The following DUSP8 variants were observed in gnomAD, a reference collection of about 807,000 sequenced individuals.
The protein encoded by DUSP8 is dual specificity phosphatase 8.
In DUSP8, 15 loss-of-function variants were observed where a neutral mutation model predicts 38.7. That is an observed-to-expected ratio of 0.39 (90% CI 0.26 to 0.60). The LOEUF is 0.60. Among genes scored for constraint, DUSP8 ranks in the 20% least tolerant of loss-of-function variants. The pLI, the probability that DUSP8 is intolerant of heterozygous loss-of-function variation, is 0.56. For missense variants in DUSP8, 768 were observed against 915.0 expected (o/e 0.84, Z 2.07); for synonymous variants, 458 against 433.9 (o/e 1.06, Z -0.69).
Position 1,557,933 on chromosome 11 carries a change from A to G in DUSP8, c.698-16T>C. The G allele has an allele frequency of 6.2e-7, 1 of 1,613,716 alleles. No homozygotes were observed. The highest frequency in any genetic ancestry group is 2.2e-5 in the East Asian group (1 of 44,878). ...TTGGCTTTATCTGGGCAGGTGGGCC[A>G]TGGGGGCCAGGTGAGGGCTAAGACT... On this transcript the variant is annotated splice_polypyrimidine_tract_variant and intron_variant, in intron 5 of 6. Transcript: ENST00000397374. This position sits in a 1 kb window ranked among gnomAD's most constrained non-coding sequence, Gnocchi z 9.9.
At chr11:1,562,903 C>A (rs1024780781) in intron 3 of DUSP8, among the ~76,000 whole-genome samples, 1 of 152,178 alleles carries the variant, frequency 6.6e-6, no homozygotes, top group Non-Finnish European at 1.5e-5. Flanking sequence ...CCTCAAGCCT[C>A]CCAGGTGCCC....
intron 1 of DUSP8, among the ~76,000 whole-genome samples, chr11:1,568,904 G>A (rs1222150907): frequency 6.6e-6 from 1 of 152,210 alleles, no homozygotes; most frequent in Non-Finnish European, 1.5e-5. Flanking sequence ...GCTCCCAGGG[G>A]GACATGTTCC....
At position 1,557,801 on chromosome 11, in the gene DUSP8, C is replaced by T; in HGVS notation, c.814G>A (p.Ala272Thr). 6.2e-7 allele frequency: 1 copy of T among 1,612,996 alleles called. No individual in the cohort carries two copies. Among genetic ancestry groups the T allele is most frequent in the Non-Finnish European group, 8.5e-7 (1 of 1,179,964 alleles). ...MKTMGMSSDD[A>T]YRFVKDRRPS... ...GACTGGGGAAGGTGGTACCTGTAGG[C>T]GTCGTCGGAGGACATGCCCATGGTC... The change falls in exon 6 of 7, where the codon GCC (alanine) becomes ACC (threonine). Residue 272 changes from alanine to threonine, a missense_variant. Physicochemically the swap from Ala to Thr is moderately conservative, Grantham distance 58. Around this residue, in one of 3 missense-constraint regions of DUSP8, gnomAD observed 252 missense variants for 410.4 expected, o/e 0.61. Transcript: ENST00000397374. The surrounding 1 kb of genome is among the most constrained non-coding windows in gnomAD (Gnocchi z 9.9).
intron 2 of DUSP8, 39 bp downstream of exon 2, chr11:1,565,557 T>A (rs373725327): frequency 8.5e-4 from 1,306 of 1,532,012 alleles, no homozygotes; most frequent in Admixed American, 1.8e-3. Context: ...CTGTGGACCC[T>A]GGACGTGATG....
At chr11:1,566,451 T>A (rs1848805863) in intron 1 of DUSP8, among the ~76,000 whole-genome samples, 1 of 152,128 alleles carries the variant, frequency 6.6e-6, no homozygotes, top group African/African-American at 2.4e-5. Flanking sequence ...GGCAGCTCCG[T>A]AAGCCGATAA....
At position 1,557,623 on chromosome 11, in the gene DUSP8, C is replaced by A; in HGVS notation, c.822-49G>T. 6.7e-7 allele frequency: 1 copy of A among 1,497,752 alleles called. No homozygotes were observed. The allele number at this position is 1,497,752 out of a possible 1,614,324, so 92.8% of individuals were successfully genotyped here. A position where few individuals can be genotyped will look rare whatever the true frequency, so the allele number is the denominator to read the frequency against. On this transcript the variant is annotated intron_variant, in intron 6 of 6. Transcript: ENST00000397374. The surrounding 1 kb of genome is among the most constrained non-coding windows in gnomAD (Gnocchi z 9.9). ...CAGGCGCCCGCCGGGGCCAGGCTGC[C>A]CACCTGACGCACCCGCTGGGCACCC...
At chr11:1,559,336 C>T (rs931420664) in intron 3 of DUSP8, 3 of 366,778 alleles carry the variant, frequency 8.2e-6, no homozygotes, top group South Asian at 1.0e-4. Context: ...CTAGGATGCC[C>T]GTAAAGGTGG....
Position 1,554,609 on chromosome 11 carries a change from A to G in DUSP8, c.*1909T>C, listed in dbSNP as rs1342683161. 1 of 985,234 alleles carries G rather than the reference A, an allele frequency of 1.0e-6. No homozygotes were observed. The highest frequency in any genetic ancestry group is 1.1e-4 in the East Asian group (1 of 8,798). The allele number at this position is 985,234 out of a possible 1,614,324, so 61.0% of individuals were successfully genotyped here. ...CAGACTGAGACAGACAGCCCCCCTC[A>G]ACGGCCTGCAGAAGGGACAAGGGGA... is the stretch of plus-strand genomic sequence containing the variant. On this transcript the variant is annotated 3_prime_UTR_variant, in exon 7 of 7. Transcript: ENST00000397374.
At chr11:1,570,779 G>A (rs1848876362) in intron 1 of DUSP8, among the ~76,000 whole-genome samples, 1 of 152,120 alleles carries the variant, frequency 6.6e-6, no homozygotes, top group African/African-American at 2.4e-5. Flanking sequence ...GTGGAGGGCT[G>A]GGGCCTGGGG....
intron 3 of DUSP8, among the ~76,000 whole-genome samples, chr11:1,563,326 T>G (rs570566063): frequency 6.6e-6 from 1 of 151,974 alleles, no homozygotes; most frequent in East Asian, 1.9e-4. Context: ...TGTATATGAG[T>G]GTGTATCAGC....
rs559491633 is a variant in DUSP8, at chr11:1,556,356, C to T, written c.*162G>A. 1.2e-3 allele frequency: 1,227 copies of T among 994,022 alleles called. 1 individual carries two copies. Among genetic ancestry groups the T allele is most frequent in the South Asian group, 6.6e-3 (125 of 18,868 alleles). The allele number at this position is 994,022 out of a possible 1,614,324, so 61.6% of individuals were successfully genotyped here. A position where few individuals can be genotyped will look rare whatever the true frequency, so the allele number is the denominator to read the frequency against. On this transcript the variant is annotated 3_prime_UTR_variant, in exon 7 of 7. Coordinates refer to ENST00000397374, the MANE Select transcript of DUSP8 (RefSeq NM_004420.3). This position sits in a 1 kb window ranked among gnomAD's most constrained non-coding sequence, Gnocchi z 5.2. Reference sequence around the variant, plus strand: ...AGCTCGAGGACCACCCGCACTGTTGCCAAATCATTGCCAGAATGAACAGCT... The same window carrying T: ...AGCTCGAGGACCACCCGCACTGTTGTCAAATCATTGCCAGAATGAACAGCT...
rs1848633461 is a variant in DUSP8 at position 1,556,837 on chromosome 11, G to C, written c.1559C>G (p.Pro520Arg). ...GGGGCTGAAGCACCAGGGCCCGTCG[G>C]GCGACGGCGTGCCTGGGGAGTCGAG... ...PPLDSPGTPS[P>R]DGPWCFSPEG... The change falls in exon 7 of 7, where the codon CCC (proline) becomes CGC (arginine). Residue 520 changes from proline (P) to arginine (R), a missense_variant. Pro to Arg is a moderately radical substitution (Grantham distance 103). This residue lies in a region of DUSP8 where 474 missense variants were observed against 430.8 expected (regional missense o/e 1.10). Transcript: ENST00000397374. The surrounding 1 kb of genome is among the most constrained non-coding windows in gnomAD (Gnocchi z 5.2). The C allele has an allele frequency of 1.9e-5, 22 of 1,150,520 alleles. No homozygotes were observed. The highest frequency in any genetic ancestry group is 2.2e-5 in the Non-Finnish European group (21 of 936,160). The allele number at this position is 1,150,520 out of a possible 1,614,324, so 71.3% of individuals were successfully genotyped here.
At position 1,565,746 on chromosome 11, in the gene DUSP8, C is replaced by T. The variant is rs768306901; in HGVS notation, c.81G>A (p.Pro27=). ...ASLLRGGPGG[P]LVIDSRSFVE... ...CGAAGGAGCGGCTGTCGATGACCAG[C>T]GGCCCCCCAGGCCCGCCCCGCAGCA... Residue 27 remains proline, a synonymous_variant, in exon 2 of 7, where the codon CCG becomes CCA. Coordinates refer to ENST00000397374, the MANE Select transcript of DUSP8 (RefSeq NM_004420.3). The T allele has an allele frequency of 1.1e-5, 18 of 1,611,672 alleles. No individual in the cohort carries two copies. The highest frequency in any genetic ancestry group is 1.4e-5 in the Non-Finnish European group (17 of 1,179,648).
At chr11:1,572,465 C>T (rs1238940674), upstream of DUSP8, among the ~76,000 whole-genome samples, 1 of 150,262 alleles carries the variant, frequency 6.7e-6, no homozygotes, top group Non-Finnish European at 1.5e-5. The surrounding 1 kb of genome is among the most constrained non-coding windows in gnomAD (Gnocchi z 4.7). Context: ...GGGTGGGTCG[C>T]GCCGCCGCCG....
In DUSP8 at chr11:1,558,655, C is replaced by T. The variant is rs527936030; in HGVS notation, c.537+234G>A. Among the ~76,000 whole-genome samples, 4 of 152,284 alleles carry T rather than the reference C, an allele frequency of 2.6e-5. No homozygotes were observed. The highest frequency in any genetic ancestry group is 1.9e-4 in the East Asian group (1 of 5,168). On this transcript the variant is annotated intron_variant, in intron 4 of 6. Transcript: ENST00000397374. This position sits in a 1 kb window ranked among gnomAD's most constrained non-coding sequence, Gnocchi z 6.3. ...TCCGCAGCTTGGCATGCCAGCTCCC[C>T]GCTCCTCCCCCGAGCCCTGCCGGGC...
rs1275322162 is a variant in DUSP8 at position 1,557,302 on chromosome 11, G to A, written c.1094C>T (p.Pro365Leu). 5.5e-6 allele frequency: 8 copies of A among 1,466,706 alleles called. No homozygotes were observed. The highest frequency in any genetic ancestry group is 2.4e-4 in the Middle Eastern group (1 of 4,092). 90.9% of individuals were successfully genotyped at this position (1,466,706 alleles called of 1,614,324 possible). ...GGEPPAPPTP[P>L]ATSALQQGLR... ...GCCCTGCTGCAGTGCGCTGGTCGCC[G>A]GGGGCGTGGGGGGCGCGGGGGGCTC... is the stretch of plus-strand genomic sequence containing the variant. The change falls in exon 7 of 7, where the codon CCG becomes CTG. Residue 365 changes from proline to leucine, a missense_variant. Pro to Leu is a moderately conservative substitution (Grantham distance 98, BLOSUM62 -3). This residue lies in a region of DUSP8 where 474 missense variants were observed against 430.8 expected (regional missense o/e 1.10). Transcript: ENST00000397374. The surrounding 1 kb of genome is among the most constrained non-coding windows in gnomAD (Gnocchi z 9.9).
In DUSP8 at chr11:1,564,003, G is replaced by T. The variant is rs749740242; in HGVS notation, c.232-14C>A. Reference sequence around the variant, plus strand: ...CGTAGCCTCCACCTGGGGGCCATGGGGCAGAGATCAGCATGCCGCCTCCAC... The same window carrying T: ...CGTAGCCTCCACCTGGGGGCCATGGTGCAGAGATCAGCATGCCGCCTCCAC... On this transcript the variant is annotated splice_polypyrimidine_tract_variant and intron_variant, in intron 2 of 6. Coordinates refer to ENST00000397374, the MANE Select transcript of DUSP8 (RefSeq NM_004420.3). The T allele has an allele frequency of 1.4e-6, 2 of 1,446,336 alleles. No individual in the cohort carries two copies. Among genetic ancestry groups the T allele is most frequent in the Non-Finnish European group, 1.8e-6 (2 of 1,089,800 alleles). 89.6% of individuals were successfully genotyped at this position (1,446,336 alleles called of 1,614,324 possible). A position where few individuals can be genotyped will look rare whatever the true frequency, so the allele number is the denominator to read the frequency against.
intron 1 of DUSP8, among the ~76,000 whole-genome samples, chr11:1,568,699 G>T (rs1397976735): frequency 6.6e-6 from 1 of 152,134 alleles, no homozygotes; most frequent in African/African-American, 2.4e-5. Context: ...TGCCCTACCT[G>T]GTCCTAACCT....
Position 1,556,823 on chromosome 11 carries a change from A to C in DUSP8, c.1573T>G (p.Cys525Gly). 1 of 1,161,240 alleles carries C rather than the reference A, an allele frequency of 8.6e-7. No homozygotes were observed. Among genetic ancestry groups the C allele is most frequent in the Non-Finnish European group, 1.1e-6 (1 of 942,994 alleles). The allele number at this position is 1,161,240 out of a possible 1,614,324, so 71.9% of individuals were successfully genotyped here. A position where few individuals can be genotyped will look rare whatever the true frequency, so the allele number is the denominator to read the frequency against. ...PGTPSPDGPW[C>G]FSPEGAQGAG... ...CCCTGTGCGCCCTCGGGGCTGAAGC[A>C]CCAGGGCCCGTCGGGCGACGGCGTG... is the stretch of plus-strand genomic sequence containing the variant. Residue 525 changes from cysteine to glycine, a missense_variant, in exon 7 of 7, where the codon TGC becomes GGC. By Grantham distance (159) the Cys-to-Gly change is radical. Transcript: ENST00000397374. The surrounding 1 kb of genome is among the most constrained non-coding windows in gnomAD (Gnocchi z 5.2).
Sources: allele counts gnomAD v4.1 joint callset (sites outside exome capture counted in the v4.1 genomes callset), GRCh38; gene constraint gnomAD v4.1.1; regional missense constraint gnomAD v4.1.1; non-coding constraint Gnocchi (gnomAD v3.1); transcripts MANE v1.5; gene names NCBI Gene and HGNC (gene_info 2026-07-23, HGNC 2026-07-21).